Variants in TRIQK observed in about 807,000 individuals in gnomAD.
TRIQK encodes the protein triple QxxK/R motif containing, also known as triple QxxK/R motif-containing protein.
TRIQK carries 10 observed loss-of-function variants against 10.8 expected under a neutral mutation model. The ratio of observed to expected loss-of-function variants is 0.92; its 90% CI spans 0.57 to 1.57. The LOEUF (loss-of-function observed/expected upper bound fraction) is 1.57, where lower values mean the gene tolerates loss of function less well. Ranked by LOEUF, TRIQK falls within the 40% of genes most tolerant of loss-of-function variation. The pLI is 0.00. For missense variants in TRIQK, 107 were observed against 97.7 expected (o/e 1.09, Z -0.40); for synonymous variants, 33 against 33.7 (o/e 0.98, Z 0.07).
intron 2 of TRIQK, among the ~76,000 whole-genome samples, chr8:92,940,483 T>C (rs901541794): frequency 3.3e-5 from 5 of 152,300 alleles, no homozygotes; most frequent in Non-Finnish European, 5.9e-5. Flanking sequence ...GCTATACTTA[T>C]ATCAAATAAA....
chr8:92,918,648 C>A lies in TRIQK; in HGVS notation c.-21-1638G>T, dbSNP rs944933291. Among the ~76,000 whole-genome samples the A allele has an allele frequency of 3.3e-5, 5 of 151,774 alleles. No individual in the cohort carries two copies. In the South Asian group the frequency reaches 1.0e-3, roughly 31 times the overall value. On this transcript the variant is annotated intron_variant, in intron 2 of 4. Transcript: ENST00000521988. The stretch of plus-strand genomic sequence containing the variant: ...TTGTTGGATGAATATTTTGCAAATA[C>A]TTTCTCATATTTTGTAAGTTGTCTC...
intron 2 of TRIQK, among the ~76,000 whole-genome samples, chr8:92,944,304 C>CAAA (rs56002665): frequency 8.2e-5 from 11 of 134,824 alleles, no homozygotes; most frequent in South Asian, 2.4e-4. Flanking sequence ...GAAGGTTACT[C>CAAA]AAAAAAAAAA....
At chr8:92,903,024 T>A (rs1424899003) in intron 3 of TRIQK, among the ~76,000 whole-genome samples, 1 of 151,904 alleles carries the variant, frequency 6.6e-6, no homozygotes, top group Non-Finnish European at 1.5e-5. Context: ...TTCTAAATTA[T>A]GTTTAAAATT....
At chr8:92,949,908 G>GA (rs987185516) in intron 2 of TRIQK, among the ~76,000 whole-genome samples, 1 of 151,792 alleles carries the variant, frequency 6.6e-6, no homozygotes, top group Non-Finnish European at 1.5e-5. Flanking sequence ...AAAGAAAAAA[G>GA]AAAAAAATAT....
chr8:92,933,068 A>G (rs1242914429), intron 2 of TRIQK, among the ~76,000 whole-genome samples: 2 of 152,128 alleles, frequency 1.3e-5, no homozygotes, highest in Non-Finnish European at 2.9e-5. Flanking sequence ...GCTCATTTCT[A>G]ATAAACTGAT....
chr8:92,957,690 A>C (rs1392155902), intron 1 of TRIQK, among the ~76,000 whole-genome samples: 1 of 151,958 alleles, frequency 6.6e-6, no homozygotes, highest in East Asian at 1.9e-4. Flanking sequence ...GCAGTATGCA[A>C]GCATATACAT....
Position 92,886,572 on chromosome 8 carries a change from A to T in TRIQK, c.*50T>A, listed in dbSNP as rs746038635. On this transcript the variant is annotated 3_prime_UTR_variant, in exon 5 of 5. Transcript: ENST00000521988. ...TCAGTATTGAAAGTTTTGGTCCCAA[A>T]AGGTGCTTTCGTAAAGTTATTTCTC... The T allele has an allele frequency of 2.9e-5, 35 of 1,202,520 alleles. No homozygotes were observed. The South Asian group carries it at 5.1e-4, about 17-fold the overall frequency. The allele number at this position is 1,202,520 out of a possible 1,614,324, so 74.5% of individuals were successfully genotyped here. A position where few individuals can be genotyped will look rare whatever the true frequency, so the allele number is the denominator to read the frequency against.
At chr8:92,997,209 C>G (rs191516141) in intron 1 of TRIQK, among the ~76,000 whole-genome samples, 1 of 152,066 alleles carries the variant, frequency 6.6e-6, no homozygotes, top group East Asian at 1.9e-4. Context: ...GAAAGTGAGA[C>G]AGTGGTGGGC....
At chr8:92,959,347 G>A (rs947248794) in intron 1 of TRIQK, among the ~76,000 whole-genome samples, 1 of 151,762 alleles carries the variant, frequency 6.6e-6, no homozygotes, top group Non-Finnish European at 1.5e-5. Context: ...TTTAAATCTA[G>A]GTCGTTCTTA....
chr8:92,932,901 C>T (rs1031138739), intron 2 of TRIQK, among the ~76,000 whole-genome samples: 4 of 152,216 alleles, frequency 2.6e-5, no homozygotes, highest in Middle Eastern at 3.4e-3. Flanking sequence ...TGGCATATCA[C>T]CTTTTTTAAG....
chr8:93,003,521 C>A (rs929833823), intron 1 of TRIQK, among the ~76,000 whole-genome samples: 1 of 149,228 alleles, frequency 6.7e-6, no homozygotes, highest in Non-Finnish European at 1.5e-5. Context: ...GGACACAGAG[C>A]CAAACCATGT....
chr8:92,958,016 AC>A (rs1320008704), intron 1 of TRIQK, among the ~76,000 whole-genome samples: 1 of 151,928 alleles, frequency 6.6e-6, no homozygotes, highest in Non-Finnish European at 1.5e-5. Flanking sequence ...ATTTCAAAAT[AC>A]CAATTTGATC....
chr8:92,950,049 A>G (rs1323518611), intron 2 of TRIQK, among the ~76,000 whole-genome samples: 2 of 152,146 alleles, frequency 1.3e-5, no homozygotes, highest in African/African-American at 4.8e-5. Flanking sequence ...GTATTATTTG[A>G]TCTTTTAAAT....
chr8:92,953,159 C>G (rs1171759928), intron 2 of TRIQK, among the ~76,000 whole-genome samples: 1 of 152,024 alleles, frequency 6.6e-6, no homozygotes, highest in Non-Finnish European at 1.5e-5. Context: ...TAACACAATA[C>G]TATAGTAAAA....
chr8:92,942,501 T>C (rs1811318952), intron 2 of TRIQK, among the ~76,000 whole-genome samples: 3 of 152,210 alleles, frequency 2.0e-5, no homozygotes, highest in Admixed American at 1.3e-4. Context: ...ATGCTCACTT[T>C]TACCACTTCT....
chr8:92,987,038 A>G (rs1397659305), intron 1 of TRIQK, among the ~76,000 whole-genome samples: 3 of 152,132 alleles, frequency 2.0e-5, no homozygotes, highest in Non-Finnish European at 4.4e-5. Flanking sequence ...ATAAAGTTTT[A>G]TTTCTCATTT....
intron 2 of TRIQK, among the ~76,000 whole-genome samples, chr8:92,938,774 T>A (rs1427739902): frequency 6.6e-6 from 1 of 152,186 alleles, no homozygotes; most frequent in Admixed American, 6.5e-5. Context: ...TTCTGCAGTG[T>A]CCTATCTGCT....
intron 4 of TRIQK, among the ~76,000 whole-genome samples, chr8:92,890,241 A>T (rs1020852610): frequency 6.6e-6 from 1 of 151,748 alleles, no homozygotes; most frequent in African/African-American, 2.4e-5. Context: ...CAAGGTTCTG[A>T]TTCTAAAAAG....
At chr8:93,015,107 TAAC>T (rs1011861954) in intron 1 of TRIQK, among the ~76,000 whole-genome samples, 4 of 151,976 alleles carry the variant, frequency 2.6e-5, no homozygotes, top group East Asian at 1.9e-4. Flanking sequence ...TATCCGGCAA[TAAC>T]AACATTTTAT....
Sources: allele counts gnomAD v4.1 joint callset (sites outside exome capture counted in the v4.1 genomes callset), GRCh38; gene constraint gnomAD v4.1.1; transcripts MANE v1.5; gene names NCBI Gene and HGNC (gene_info 2026-07-23, HGNC 2026-07-21).